Variants in TTLL11 observed in about 807,000 individuals in gnomAD.
TTLL11 encodes the protein tubulin polyglutamylase TTLL11.
TTLL11 carries 42 observed loss-of-function variants against 51.7 expected under a neutral mutation model. The ratio of observed to expected loss-of-function variants is 0.81; its 90% confidence interval spans 0.64 to 1.05. The LOEUF (loss-of-function observed/expected upper bound fraction) is 1.05. TTLL11 is among the 50% of genes least tolerant of loss of function. The probability of loss-of-function intolerance (pLI) is 0.00; values close to 1 mark genes in which losing one functional copy is unlikely to be tolerated. For synonymous variants in TTLL11, 381 were observed against 383.5 expected, an observed-to-expected ratio of 0.99 and a Z score of 0.08; for missense variants, 799 against 940.4, an observed-to-expected ratio of 0.85 and a Z score of 1.97.
At chr9:121,976,355 A>G (rs1842708459) in intron 4 of TTLL11, among the ~76,000 whole-genome samples, 1 of 152,186 alleles carries the variant, frequency 6.6e-6, no homozygotes, top group African/African-American at 2.4e-5. Flanking sequence ...ACAACTCTTC[A>G]TCTGGATAAC....
At chr9:121,962,629 G>A (rs1287985918) in intron 6 of TTLL11, among the ~76,000 whole-genome samples, 2 of 152,130 alleles carry the variant, frequency 1.3e-5, no homozygotes, top group Non-Finnish European at 2.9e-5. Flanking sequence ...GGCTCACCAG[G>A]TCTTCTTATG....
chr9:121,858,992 G>T (rs763427375), intron 8 of TTLL11, among the ~76,000 whole-genome samples: 1 of 152,182 alleles, frequency 6.6e-6, no homozygotes, highest in African/African-American at 2.4e-5. Flanking sequence ...AGGGCGTGGC[G>T]TGGGTGCCAG....
rs1839966357 is a variant in TTLL11, at chr9:121,906,880, C to T, written c.1482-36132G>A. On this transcript the variant is annotated intron_variant, in intron 6 of 8. Transcript: ENST00000321582. ...AGGAGTAAAAAGCTCTATCTGCCTTCCTAAAGTTCCTGGAGACCACCACCA... is the reference window on the plus strand; with the variant it reads ...AGGAGTAAAAAGCTCTATCTGCCTTTCTAAAGTTCCTGGAGACCACCACCA... Among the ~76,000 whole-genome samples the T allele has an allele frequency of 2.0e-5, 3 of 152,086 alleles. No individual in the cohort carries two copies. In the South Asian group the frequency reaches 6.2e-4, roughly 32 times the overall value.
In TTLL11 at chr9:122,043,131, A is replaced by C. The variant is rs967766620; in HGVS notation, c.463-3763T>G. ...AGTGTAGTTTCATCAGTTGTAAAAA[A>C]CACACCACTCTGATTCAGGATTTTG... On this transcript the variant is annotated intron_variant, in intron 1 of 8. Coordinates refer to ENST00000321582, the MANE Select transcript of TTLL11 (RefSeq NM_001139442.2). 4.6e-5 allele frequency among the ~76,000 whole-genome samples: 7 copies of C among 152,314 alleles called. No homozygotes were observed. In the East Asian group the frequency reaches 1.4e-3, roughly 29 times the overall value.
intron 8 of TTLL11, among the ~76,000 whole-genome samples, chr9:121,857,007 G>A (rs1015604235): frequency 1.3e-5 from 2 of 152,230 alleles, no homozygotes; most frequent in Non-Finnish European, 2.9e-5. Context: ...GCTTGGACCA[G>A]CCTTGAGAAG....
intron 8 of TTLL11, among the ~76,000 whole-genome samples, chr9:121,846,083 G>T (rs1386148883): frequency 1.3e-5 from 2 of 152,098 alleles, no homozygotes; most frequent in Non-Finnish European, 2.9e-5. Flanking sequence ...AAAAGCAAAG[G>T]GTTGGAGGAA....
chr9:122,059,712 T>C (rs1845393100), intron 1 of TTLL11, among the ~76,000 whole-genome samples: 1 of 152,144 alleles, frequency 6.6e-6, no homozygotes, highest in Non-Finnish European at 1.5e-5. Flanking sequence ...TCACAGTCCT[T>C]TAGGTCAGGA....
chr9:122,012,145 G>T lies in TTLL11; in HGVS notation c.693+19578C>A, dbSNP rs534222850. On this transcript the variant is annotated intron_variant, in intron 3 of 8. Transcript: ENST00000321582. ...ATTTCTTTCTTTCTTTGGAGATGAG[G>T]AAAAAGGGTAGAGCAGAGCAATTTT... Among the ~76,000 whole-genome samples, 25 of 152,194 alleles carry T rather than the reference G, an allele frequency of 1.6e-4. No homozygotes were observed. In the South Asian group the frequency reaches 5.0e-3, roughly 30 times the overall value.
chr9:122,019,244 T>A (rs1844095330), intron 3 of TTLL11, among the ~76,000 whole-genome samples: 1 of 152,040 alleles, frequency 6.6e-6, no homozygotes, highest in Non-Finnish European at 1.5e-5. Context: ...TTCTAATAGG[T>A]CTCATTTCTC....
At chr9:122,043,704 TAAATCAAAGATAA>T (rs1564372281) in intron 1 of TTLL11, among the ~76,000 whole-genome samples, 1 of 151,976 alleles carries the variant, frequency 6.6e-6, no homozygotes, top group Non-Finnish European at 1.5e-5. Flanking sequence ...ACAAAATAGG[TAAATCAAAGATAA>T]AAATTAAAAA....
intron 6 of TTLL11, among the ~76,000 whole-genome samples, chr9:121,899,402 TAC>T (rs1323281447): frequency 7.0e-4 from 58 of 82,760 alleles, no homozygotes; most frequent in African/African-American, 1.9e-3. Context: ...TATATATATA[TAC>T]ACACACACAC....
intron 6 of TTLL11, among the ~76,000 whole-genome samples, chr9:121,873,382 C>CTTT (rs71370697): frequency 6.3e-5 from 7 of 110,564 alleles, no homozygotes; most frequent in Admixed American, 9.2e-5. Flanking sequence ...TCTTCTTCTC[C>CTTT]TTTTTTTTTT....
chr9:122,038,592 T>C (rs1844763147), intron 2 of TTLL11, among the ~76,000 whole-genome samples: 1 of 152,178 alleles, frequency 6.6e-6, no homozygotes, highest in African/African-American at 2.4e-5. Context: ...GAGGTTGCAG[T>C]GAGCCAAGAT....
At chr9:121,832,751 C>A (rs1306498552) in intron 8 of TTLL11, among the ~76,000 whole-genome samples, 1 of 152,104 alleles carries the variant, frequency 6.6e-6, no homozygotes, top group Non-Finnish European at 1.5e-5. Flanking sequence ...ACCAGCCTGA[C>A]CAACACGGTG....
intron 6 of TTLL11, among the ~76,000 whole-genome samples, chr9:121,938,823 A>C (rs1018528220): frequency 1.3e-5 from 2 of 152,250 alleles, no homozygotes; most frequent in Non-Finnish European, 2.9e-5. Context: ...AAAGTTGGCA[A>C]TGGAAATGCT....
intron 8 of TTLL11, among the ~76,000 whole-genome samples, chr9:121,852,282 C>T (rs1837684627): frequency 6.6e-6 from 1 of 152,196 alleles, no homozygotes; most frequent in Non-Finnish European, 1.5e-5. Context: ...TACTTTATCA[C>T]TAAATCCTGA....
At chr9:121,967,513 G>A (rs757055566) in intron 6 of TTLL11, among the ~76,000 whole-genome samples, 3 of 152,090 alleles carry the variant, frequency 2.0e-5, no homozygotes, top group African/African-American at 2.4e-5. Context: ...GTGAGCCACC[G>A]CGCCCAGCCT....
At chr9:122,019,456 A>G (rs1323291266) in intron 3 of TTLL11, among the ~76,000 whole-genome samples, 1 of 151,760 alleles carries the variant, frequency 6.6e-6, no homozygotes, top group Non-Finnish European at 1.5e-5. Flanking sequence ...ATTTATTTTT[A>G]TTATTTTTTT....
intron 1 of TTLL11, among the ~76,000 whole-genome samples, chr9:122,060,353 G>A (rs1845406073): frequency 6.6e-6 from 1 of 152,138 alleles, no homozygotes; most frequent in Non-Finnish European, 1.5e-5. Flanking sequence ...TCTCTTATAT[G>A]AGCCTTACCA....
Sources: allele counts gnomAD v4.1 joint callset (sites outside exome capture counted in the v4.1 genomes callset), GRCh38; gene constraint gnomAD v4.1.1; transcripts MANE v1.5; gene names NCBI Gene and HGNC (gene_info 2026-07-23, HGNC 2026-07-21).